Variants in DAB1 observed in about 807,000 individuals in gnomAD.
The protein encoded by DAB1 is disabled homolog 1.
In DAB1, 15 loss-of-function variants were observed where a neutral mutation model predicts 64.6. That is an observed-to-expected ratio of 0.23 (90% confidence interval 0.16 to 0.36). DAB1 has a LOEUF of 0.36. Among genes scored for constraint, DAB1 ranks in the 10% least tolerant of loss-of-function variants. The pLI is 1.00. For synonymous variants in DAB1, 235 were observed against 251.9 expected (o/e 0.93, Z 0.64); for missense variants, 596 against 706.7 (o/e 0.84, Z 1.78).
At chr1:58,492,495 T>C (rs558994761) in intron 3 of DAB1, among the ~76,000 whole-genome samples, 188 of 152,062 alleles carry the variant, frequency 1.2e-3, no homozygotes, top group African/African-American at 4.4e-3. Flanking sequence ...TTTGAAAAGA[T>C]CAACAAAATT....
chr1:57,543,607 A>G (rs1644825956), intron 7 of DAB1, among the ~76,000 whole-genome samples: 1 of 152,204 alleles, frequency 6.6e-6, no homozygotes. Flanking sequence ...TAAGAAAATA[A>G]TGAGAAAGTA....
At chr1:58,425,215 C>T (rs1273124921) in intron 3 of DAB1, among the ~76,000 whole-genome samples, 1 of 152,154 alleles carries the variant, frequency 6.6e-6, no homozygotes, top group African/African-American at 2.4e-5. Context: ...GTCCAGAGAG[C>T]CTCTTTCATT....
intron 6 of DAB1, among the ~76,000 whole-genome samples, chr1:57,767,395 T>C (rs1649360470): frequency 6.6e-6 from 1 of 152,142 alleles, no homozygotes; most frequent in African/African-American, 2.4e-5. Context: ...AAAGACCAAA[T>C]ATGTATTTCT....
chr1:58,489,632 A>G (rs1432520085), intron 3 of DAB1, among the ~76,000 whole-genome samples: 1 of 152,180 alleles, frequency 6.6e-6, no homozygotes, highest in African/African-American at 2.4e-5. Context: ...CTGAGAACAG[A>G]CAGACTGCCT....
At chr1:57,005,401 T>C (rs1328811248) in intron 14 of DAB1, among the ~76,000 whole-genome samples, 2 of 152,194 alleles carry the variant, frequency 1.3e-5, no homozygotes, top group African/African-American at 4.8e-5. Flanking sequence ...CATCTAGGAC[T>C]GATAGTCTCT....
intron 3 of DAB1, among the ~76,000 whole-genome samples, chr1:58,443,838 G>T (rs560419377): frequency 6.6e-6 from 1 of 152,322 alleles, no homozygotes; most frequent in Non-Finnish European, 1.5e-5. Flanking sequence ...AGTAATTACA[G>T]TTCCCATTTT....
chr1:57,459,046 TAATC>T (rs1427209283), intron 7 of DAB1, among the ~76,000 whole-genome samples: 1 of 152,118 alleles, frequency 6.6e-6, no homozygotes, highest in Non-Finnish European at 1.5e-5. Context: ...AAAGTGATAA[TAATC>T]AGTTTTAAAA....
intron 7 of DAB1, among the ~76,000 whole-genome samples, chr1:57,642,987 G>A (rs1646148863): frequency 6.6e-6 from 1 of 152,176 alleles, no homozygotes. Context: ...TGTAAGATAG[G>A]CAGGATGTGT....
chr1:57,157,742 A>G (rs1660371029), intron 2 of DAB1, among the ~76,000 whole-genome samples: 1 of 152,190 alleles, frequency 6.6e-6, no homozygotes. Flanking sequence ...GCTTCAACAT[A>G]TTAATATTGG....
intron 3 of DAB1, among the ~76,000 whole-genome samples, chr1:58,431,142 G>T (rs574754454): frequency 4.4e-4 from 67 of 152,214 alleles, no homozygotes; most frequent in African/African-American, 1.6e-3. Flanking sequence ...AGGTTTACAA[G>T]GTAATGCTCA....
At chr1:58,450,755 AAAAATAAAAT>A (rs60658478) in intron 3 of DAB1, among the ~76,000 whole-genome samples, 1 of 152,066 alleles carries the variant, frequency 6.6e-6, no homozygotes, top group East Asian at 1.9e-4. Context: ...CTCCGTCTCA[AAAAATAAAAT>A]AAAATAAAAT....
intron 5 of DAB1, among the ~76,000 whole-genome samples, chr1:57,889,244 T>A (rs1569927278): frequency 6.6e-6 from 1 of 152,374 alleles, no homozygotes; most frequent in East Asian, 1.9e-4. Context: ...GCTTTCAGTG[T>A]TTTCCCACTA....
chr1:57,945,428 GTTATTATTA>G (rs143711609), intron 5 of DAB1, among the ~76,000 whole-genome samples: 3 of 123,832 alleles, frequency 2.4e-5, no homozygotes, highest in South Asian at 2.4e-4. Flanking sequence ...CTTGCTAATT[GTTATTATTA>G]TTATTATTAT....
At chr1:57,193,941 T>C (rs688382) in intron 2 of DAB1, among the ~76,000 whole-genome samples, 29,796 of 152,070 alleles carry the variant, frequency 0.2, 5,123 homozygotes, top group African/African-American at 0.44. Context: ...AAAATGGGTA[T>C]AACAGTGATT....
At chr1:57,437,783 G>A (rs941791721) in intron 7 of DAB1, among the ~76,000 whole-genome samples, 6 of 152,096 alleles carry the variant, frequency 3.9e-5, no homozygotes, top group Non-Finnish European at 8.8e-5. Context: ...TTTTGGAACC[G>A]TTATCACATT....
intron 3 of DAB1, among the ~76,000 whole-genome samples, chr1:58,390,987 C>T (rs1644471084): frequency 6.6e-6 from 1 of 152,188 alleles, no homozygotes; most frequent in African/African-American, 2.4e-5. Flanking sequence ...ACGCATTCGT[C>T]ATCTGAAAAT....
intron 2 of DAB1, among the ~76,000 whole-genome samples, chr1:57,245,255 T>G (rs1041294073): frequency 6.6e-6 from 1 of 152,170 alleles, no homozygotes; most frequent in African/African-American, 2.4e-5. Context: ...TTGAGTGAGA[T>G]GATTTAGGGT....
At chr1:57,484,340 T>C (rs1291511623) in intron 7 of DAB1, among the ~76,000 whole-genome samples, 1 of 152,186 alleles carries the variant, frequency 6.6e-6, no homozygotes, top group East Asian at 1.9e-4. Context: ...TGATCTAATT[T>C]ACCTGTTGTA....
intron 5 of DAB1, among the ~76,000 whole-genome samples, chr1:58,126,993 C>CTAG (rs1276617529): frequency 6.7e-6 from 1 of 149,882 alleles, no homozygotes; most frequent in Non-Finnish European, 1.5e-5. Context: ...ATGGCTGGGT[C>CTAG]AAATGGTATT....
Sources: gnomAD v4.1 joint callset for allele counts (sites outside exome capture counted in the v4.1 genomes callset) on GRCh38, gnomAD v4.1.1 for gene constraint, MANE v1.5 for transcripts, NCBI Gene and HGNC (gene_info 2026-07-23, HGNC 2026-07-21) for gene names.